Variants in PRKN observed in about 807,000 individuals in gnomAD.
The protein encoded by PRKN is E3 ubiquitin-protein ligase parkin.
PRKN carries 56 observed loss-of-function variants against 59.5 expected under a neutral mutation model. The observed-to-expected ratio is 0.94, with a 90% confidence interval of 0.76 to 1.18. The LOEUF (loss-of-function observed/expected upper bound fraction) is 1.18, where lower values mean the gene tolerates loss of function less well. PRKN is among the 50% of genes most tolerant of loss of function. The pLI, the probability that PRKN is intolerant of heterozygous loss-of-function variation, is 0.00. For missense variants in PRKN, 657 were observed against 596.4 expected, an observed-to-expected ratio of 1.10 and a Z score of -1.06; for synonymous variants, 250 against 222.1, an observed-to-expected ratio of 1.13 and a Z score of -1.12.
chr6:161,612,973 A>G (rs1343574483), intron 7 of PRKN, among the ~76,000 whole-genome samples: 4 of 152,200 alleles, frequency 2.6e-5, no homozygotes, highest in African/African-American at 7.2e-5. Context: ...CATGCCTGCT[A>G]ACACAACAGA....
In PRKN at chr6:162,443,411, A is replaced by G. The variant is rs1221959433; in HGVS notation, c.70T>C (p.Phe24Leu). The G allele has an allele frequency of 1.2e-6, 2 of 1,613,944 alleles. No individual in the cohort carries two copies. The highest frequency in any genetic ancestry group is 1.3e-5 in the African/African-American group (1 of 74,900). The change falls in exon 2 of 12, where the codon TTC (phenylalanine) becomes CTC (leucine). Residue 24 changes from phenylalanine to leucine, a missense_variant. Physicochemically the swap from Phe to Leu is conservative, Grantham distance 22 (BLOSUM62 0). Transcript: ENST00000366898. ...TTAGCAACCACCTCCTTGAGCTGGA[A>G]GATGCTGGTGTCAGAATCGACCTCC... ...PVEVDSDTSI[F>L]QLKEVVAKRQ... is the part of the protein sequence containing the mutation.
At chr6:162,586,502 T>C (rs1440877376) in intron 1 of PRKN, among the ~76,000 whole-genome samples, 2 of 152,164 alleles carry the variant, frequency 1.3e-5, no homozygotes, top group Non-Finnish European at 2.9e-5. Flanking sequence ...CCCATTACCA[T>C]GTTCTGGTTG....
rs372193406 is a variant in PRKN, at chr6:162,290,860, A to G, written c.172-28095T>C. Among the ~76,000 whole-genome samples the G allele has an allele frequency of 6.8e-4, 103 of 152,318 alleles. 2 individuals carry two copies. In the South Asian group the frequency reaches 0.02, roughly 29 times the overall value. On this transcript the variant is annotated intron_variant, in intron 2 of 11. Transcript: ENST00000366898. ...AAAGACATTGACAACTTTTCAGGAT[A>G]ATCACAAAAGGGATAGGATAACTCT... is the stretch of plus-strand genomic sequence containing the variant.
At chr6:162,283,216 A>G (rs964528887) in intron 2 of PRKN, among the ~76,000 whole-genome samples, 2 of 151,946 alleles carry the variant, frequency 1.3e-5, no homozygotes, top group South Asian at 4.2e-4. Flanking sequence ...CCACTCACTC[A>G]CCTCTCTTTT....
intron 7 of PRKN, among the ~76,000 whole-genome samples, chr6:161,658,142 G>C (rs928597378): frequency 6.6e-6 from 1 of 151,666 alleles, no homozygotes; most frequent in Non-Finnish European, 1.5e-5. Context: ...CATTTACCTT[G>C]CATGATAAGC....
chr6:161,973,347 G>A lies in PRKN; in HGVS notation c.689C>T (p.Ala230Val), dbSNP rs571490973. 1.0e-4 allele frequency: 166 copies of A among 1,613,916 alleles called. No homozygotes were observed. The South Asian group carries it at 1.7e-3, about 17-fold the overall frequency. The change falls in exon 6 of 12, where the codon GCA (alanine) becomes GTA (valine). Residue 230 changes from alanine (A) to valine (V), a missense_variant. Transcript: ENST00000366898. ...GCAAGTGATGTTCCGACTATTTGTT[G>A]CGATCAGGTGCAAAGCTACTGATGT... ...KETSVALHLI[A>V]TNSRNITCIT...
intron 1 of PRKN, among the ~76,000 whole-genome samples, chr6:162,684,139 T>C (rs893737597): frequency 2.0e-5 from 3 of 152,170 alleles, no homozygotes; most frequent in African/African-American, 7.2e-5. Context: ...CAATCCATTT[T>C]AAATTAATAG....
chr6:161,730,534 T>C (rs1010626819), intron 7 of PRKN, among the ~76,000 whole-genome samples: 1 of 151,194 alleles, frequency 6.6e-6, no homozygotes, highest in Non-Finnish European at 1.5e-5. Flanking sequence ...TTGCATTCTT[T>C]CTGATGTGTT....
intron 2 of PRKN, among the ~76,000 whole-genome samples, chr6:162,384,057 T>C (rs1786645761): frequency 6.6e-6 from 1 of 152,206 alleles, no homozygotes. Context: ...TGAACTTCTA[T>C]TCAGACCACT....
chr6:162,363,184 A>G (rs139146647), intron 2 of PRKN, among the ~76,000 whole-genome samples: 109 of 151,800 alleles, frequency 7.2e-4, no homozygotes, highest in African/African-American at 2.5e-3. Flanking sequence ...GAGTTATGGG[A>G]AAGAGGGTTA....
At chr6:161,858,858 CTTT>C (rs71544920) in intron 6 of PRKN, among the ~76,000 whole-genome samples, 6 of 71,932 alleles carry the variant, frequency 8.3e-5, no homozygotes, top group Non-Finnish European at 1.1e-4. Context: ...CACAGCTGTA[CTTT>C]TTTTTTTTTT....
rs375456890 is a variant in PRKN, at chr6:162,080,424, T to C, written c.535-26250A>G. 2.3e-4 allele frequency among the ~76,000 whole-genome samples: 35 copies of C among 152,210 alleles called. No individual in the cohort carries two copies. The East Asian group carries it at 6.4e-3, about 28-fold the overall frequency. ...TTACAGGCATAAGTTGGAGATACTG[T>C]GGGTTCAGTTACAGATCACTGCAAT... On this transcript the variant is annotated intron_variant, in intron 4 of 11. Transcript: ENST00000366898.
rs560545567 is a variant in PRKN, at chr6:161,509,800, A to G, written c.1083+39054T>C. Among the ~76,000 whole-genome samples, 5 of 148,498 alleles carry G rather than the reference A, an allele frequency of 3.4e-5. No homozygotes were observed. In the East Asian group the frequency reaches 1.0e-3, roughly 30 times the overall value. On this transcript the variant is annotated intron_variant, in intron 9 of 11. Coordinates refer to ENST00000366898, the MANE Select transcript of PRKN (RefSeq NM_004562.3). ...GAGGCTGAAGCAGGAGAATTGCTTG[A>G]ACCCAGGAGGCAGAGGTTGCAGTGA...
intron 7 of PRKN, among the ~76,000 whole-genome samples, chr6:161,648,232 C>T (rs2128160677): frequency 6.6e-6 from 1 of 152,222 alleles, no homozygotes; most frequent in African/African-American, 2.4e-5. Flanking sequence ...ATGGATTGTA[C>T]AGAAATGCAT....
At position 162,510,256 on chromosome 6, in the gene PRKN, T is replaced by G. The variant is rs866144621; in HGVS notation, c.8-66783A>C. On this transcript the variant is annotated intron_variant, in intron 1 of 11. Coordinates refer to ENST00000366898, the MANE Select transcript of PRKN (RefSeq NM_004562.3). ...TAGATAAAGTTGAGTATTTTCCTCT[T>G]TTGCAATTGTAATTGAAATTCTGTT... is the stretch of plus-strand genomic sequence containing the variant. 1.9e-4 allele frequency among the ~76,000 whole-genome samples: 29 copies of G among 152,214 alleles called. 1 individual carries two copies. Among genetic ancestry groups the G allele is most frequent in the Admixed American group, 3.3e-4 (5 of 15,284 alleles).
At chr6:162,366,355 T>A (rs1238486095) in intron 2 of PRKN, among the ~76,000 whole-genome samples, 1 of 152,208 alleles carries the variant, frequency 6.6e-6, no homozygotes, top group Non-Finnish European at 1.5e-5. Context: ...CTTTCTTAGA[T>A]CTTATATCCA....
intron 1 of PRKN, among the ~76,000 whole-genome samples, chr6:162,545,897 T>C (rs1484162102): frequency 6.6e-6 from 1 of 152,066 alleles, no homozygotes; most frequent in African/African-American, 2.4e-5. Context: ...GACTGAAGAA[T>C]TTAGGATATG....
intron 3 of PRKN, among the ~76,000 whole-genome samples, chr6:162,217,911 A>C (rs1386355153): frequency 6.6e-6 from 1 of 152,094 alleles, no homozygotes; most frequent in Non-Finnish European, 1.5e-5. Flanking sequence ...AATCTATCCG[A>C]CTTCTAAGTA....
At chr6:162,448,866 T>C (rs1315504573) in intron 1 of PRKN, among the ~76,000 whole-genome samples, 2 of 148,958 alleles carry the variant, frequency 1.3e-5, no homozygotes, top group African/African-American at 5.0e-5. Context: ...CCTTTATTTC[T>C]TTCTTTTCCT....
Sources: gnomAD v4.1 joint callset for allele counts (sites outside exome capture counted in the v4.1 genomes callset) on GRCh38, gnomAD v4.1.1 for gene constraint, MANE v1.5 for transcripts, NCBI Gene and HGNC (gene_info 2026-07-23, HGNC 2026-07-21) for gene names.